The following CHSY3 variants were observed in gnomAD, a reference collection of about 807,000 sequenced individuals.
CHSY3 encodes the protein chondroitin sulfate synthase 3.
In CHSY3, 35 loss-of-function variants were observed where a neutral mutation model predicts 67.2. That is an observed-to-expected ratio of 0.52 (90% CI 0.40 to 0.69). The LOEUF (loss-of-function observed/expected upper bound fraction) is 0.69, where lower values mean the gene tolerates loss of function less well. Among genes scored for constraint, CHSY3 ranks in the 30% least tolerant of loss-of-function variants. The pLI, the probability that CHSY3 is intolerant of heterozygous loss-of-function variation, is 0.00. For synonymous variants in CHSY3, 474 were observed against 434.7 expected (o/e 1.09, Z -1.12); for missense variants, 1,069 against 1,138.5 (o/e 0.94, Z 0.88).
chr5:130,086,157 A>G (rs1436343539), intron 2 of CHSY3, among the ~76,000 whole-genome samples: 2 of 151,542 alleles, frequency 1.3e-5, no homozygotes, highest in South Asian at 2.1e-4. Context: ...TCAATTCCTG[A>G]GTATCCTTGT....
intron 2 of CHSY3, among the ~76,000 whole-genome samples, chr5:129,959,228 G>C (rs1316606175): frequency 2.0e-5 from 3 of 151,948 alleles, no homozygotes; most frequent in Non-Finnish European, 4.4e-5. Flanking sequence ...CTTTTGCCTA[G>C]TATATATGTA....
chr5:129,916,609 CGTGA>C (rs71968865), intron 2 of CHSY3, among the ~76,000 whole-genome samples: 1,533 of 152,074 alleles, frequency 0.01, 23 homozygotes, highest in African/African-American at 0.034. Flanking sequence ...ATTTAATATA[CGTGA>C]GTATCTCATA....
At chr5:130,179,246 A>C (rs1389319830) in intron 2 of CHSY3, among the ~76,000 whole-genome samples, 2 of 152,204 alleles carry the variant, frequency 1.3e-5, no homozygotes, top group Admixed American at 6.5e-5. Flanking sequence ...TGGCACACGC[A>C]GTAAGACCAT....
chr5:130,151,877 T>G (rs1017718245), intron 2 of CHSY3, among the ~76,000 whole-genome samples: 1 of 152,176 alleles, frequency 6.6e-6, no homozygotes, highest in Non-Finnish European at 1.5e-5. Flanking sequence ...CCAAACCATA[T>G]TAGCTGTGAA....
At chr5:130,090,054 AGT>A (rs1263743806) in intron 2 of CHSY3, among the ~76,000 whole-genome samples, 1 of 152,076 alleles carries the variant, frequency 6.6e-6, no homozygotes, top group Non-Finnish European at 1.5e-5. Flanking sequence ...TATCCCTTAT[AGT>A]TCCCGCGGCT....
At chr5:129,928,851 A>T (rs1761204825) in intron 2 of CHSY3, among the ~76,000 whole-genome samples, 1 of 152,142 alleles carries the variant, frequency 6.6e-6, no homozygotes, top group Non-Finnish European at 1.5e-5. Flanking sequence ...TCTGAGCTAT[A>T]AAGGGGATTA....
At chr5:130,021,659 G>T (rs1262984273) in intron 2 of CHSY3, among the ~76,000 whole-genome samples, 1 of 151,858 alleles carries the variant, frequency 6.6e-6, no homozygotes, top group Non-Finnish European at 1.5e-5. Context: ...ACTATAATAT[G>T]TTTTAATGCT....
intron 2 of CHSY3, among the ~76,000 whole-genome samples, chr5:129,961,287 A>T (rs1328111680): frequency 6.6e-6 from 1 of 152,096 alleles, no homozygotes; most frequent in African/African-American, 2.4e-5. Context: ...AAAGGGTTTG[A>T]ATTGAGACAG....
At chr5:129,971,791 T>A (rs760107825) in intron 2 of CHSY3, among the ~76,000 whole-genome samples, 12 of 151,918 alleles carry the variant, frequency 7.9e-5, no homozygotes, top group Non-Finnish European at 1.6e-4. Flanking sequence ...TCAGCAAGCA[T>A]TTATAGGGAG....
chr5:129,953,541 T>C (rs1762085330), intron 2 of CHSY3, among the ~76,000 whole-genome samples: 2 of 152,182 alleles, frequency 1.3e-5, no homozygotes, highest in African/African-American at 4.8e-5. Context: ...TCTAGGTCCT[T>C]GAGGAGTCGC....
intron 2 of CHSY3, among the ~76,000 whole-genome samples, chr5:129,935,252 G>A (rs543516545): frequency 2.6e-4 from 39 of 152,080 alleles, no homozygotes; most frequent in Non-Finnish European, 4.6e-4. Context: ...TCTTTGTTAC[G>A]TATCATCTTT....
chr5:129,923,046 G>T (rs567136541), intron 2 of CHSY3, among the ~76,000 whole-genome samples: 20 of 152,274 alleles, frequency 1.3e-4, no homozygotes, highest in African/African-American at 4.8e-4. Context: ...GGAGGTTTTT[G>T]TTCTTAGAGA....
At chr5:129,960,825 AAAT>A (rs1195037492) in intron 2 of CHSY3, among the ~76,000 whole-genome samples, 24 of 152,196 alleles carry the variant, frequency 1.6e-4, no homozygotes, top group Non-Finnish European at 1.2e-4. Flanking sequence ...ACCCTACTCC[AAAT>A]AATAACATAA....
chr5:130,124,645 C>T (rs996729894), intron 2 of CHSY3, among the ~76,000 whole-genome samples: 2 of 151,990 alleles, frequency 1.3e-5, no homozygotes, highest in African/African-American at 2.4e-5. Flanking sequence ...TTATTAGAGA[C>T]GGTGTTTCGC....
intron 2 of CHSY3, among the ~76,000 whole-genome samples, chr5:129,943,629 A>T (rs1212987080): frequency 6.6e-6 from 1 of 152,150 alleles, no homozygotes; most frequent in Non-Finnish European, 1.5e-5. Context: ...CTTTAAACGT[A>T]TTTCGTACAT....
intron 2 of CHSY3, among the ~76,000 whole-genome samples, chr5:129,944,932 A>T (rs945978101): frequency 3.3e-5 from 5 of 152,240 alleles, no homozygotes; most frequent in African/African-American, 7.2e-5. Flanking sequence ...TTTTTGTTTA[A>T]AAAAGGAATG....
intron 2 of CHSY3, among the ~76,000 whole-genome samples, chr5:129,944,829 A>G (rs951509032): frequency 6.6e-6 from 1 of 152,222 alleles, no homozygotes; most frequent in Admixed American, 6.5e-5. Context: ...AAAACAATGC[A>G]AACAAGTAAA....
At chr5:130,006,004 T>G (rs6894250) in intron 2 of CHSY3, among the ~76,000 whole-genome samples, 3,885 of 152,208 alleles carry the variant, frequency 0.026, 172 homozygotes, top group African/African-American at 0.088. Flanking sequence ...ACTGGGCAAA[T>G]TGTGCATGAA....
chr5:130,009,514 A>G (rs1180371308), intron 2 of CHSY3, among the ~76,000 whole-genome samples: 1 of 151,836 alleles, frequency 6.6e-6, no homozygotes, highest in African/African-American at 2.4e-5. Context: ...AAAAAAAAAA[A>G]GAAGAAAGAA....
Sources: allele counts gnomAD v4.1 joint callset (sites outside exome capture counted in the v4.1 genomes callset), GRCh38; gene constraint gnomAD v4.1.1; transcripts MANE v1.5; gene names NCBI Gene and HGNC (gene_info 2026-07-23, HGNC 2026-07-21).